Variants in CAVIN2 observed in about 807,000 individuals in gnomAD.
CAVIN2 encodes caveolae associated protein 2, also known as caveolae-associated protein 2.
CAVIN2 carries 13 observed loss-of-function variants against 11.7 expected under a neutral mutation model. The ratio of observed to expected loss-of-function variants is 1.11; its 90% CI spans 0.72 to 1.77. The LOEUF (loss-of-function observed/expected upper bound fraction) is 1.77. CAVIN2 is among the 40% of genes most tolerant of loss of function. The pLI is 0.00. For synonymous variants in CAVIN2, 237 were observed against 223.2 expected (o/e 1.06, Z -0.55); for missense variants, 549 against 542.9 (o/e 1.01, Z -0.11).
chr2:191,836,777 C>G, intron 1 of CAVIN2, 60 bp from the exon 2 acceptor site: 1 of 1,465,142 alleles, frequency 6.8e-7, no homozygotes, highest in South Asian at 1.3e-5. Context: ...TAGTCCTGAG[C>G]TGCTGTAATA....
chr2:191,835,961 C>G lies in CAVIN2; in HGVS notation c.1240G>C (p.Val414Leu). Reference sequence around the variant, plus strand: ...TGCACCTGGAGCACGGCGGGCTGCACGGGGTCCCCATCGGAGCGCTCCGCC... The same window carrying G: ...TGCACCTGGAGCACGGCGGGCTGCAGGGGGTCCCCATCGGAGCGCTCCGCC... ...EEAERSDGDP[V>L]QPAVLQVHQT... The change falls in exon 2 of 2, where the codon GTG becomes CTG. Residue 414 changes from valine (V) to leucine (L), a missense_variant. Physicochemically the swap from Val to Leu is conservative, Grantham distance 32. Transcript: ENST00000304141. 6.2e-7 allele frequency: 1 copy of G among 1,613,788 alleles called. No homozygotes were observed. Among genetic ancestry groups the G allele is most frequent in the East Asian group, 2.2e-5 (1 of 44,882 alleles).
Position 191,836,152 on chromosome 2 carries a change from T to C in CAVIN2, c.1049A>G (p.Glu350Gly), listed in dbSNP as rs1690014578. The C allele has an allele frequency of 6.2e-7, 1 of 1,614,086 alleles. No homozygotes were observed. Among genetic ancestry groups the C allele is most frequent in the Non-Finnish European group, 8.5e-7 (1 of 1,180,048 alleles). ...ASLASALVEG[E>G]IAEEAAEKAT... Reference sequence around the variant, plus strand: ...CTTCTCAGCAGCCTCCTCTGCAATTTCCCCTTCCACCAGAGCGCTGGCGAG... The same window carrying C: ...CTTCTCAGCAGCCTCCTCTGCAATTCCCCCTTCCACCAGAGCGCTGGCGAG... Residue 350 changes from glutamate to glycine, a missense_variant, in exon 2 of 2, where the codon GAA becomes GGA. Physicochemically the swap from Glu to Gly is moderately conservative, Grantham distance 98. Coordinates refer to ENST00000304141, the MANE Select transcript of CAVIN2 (RefSeq NM_004657.6).
intron 1 of CAVIN2, among the ~76,000 whole-genome samples, chr2:191,841,483 T>C (rs550657994): frequency 1.1e-4 from 16 of 152,356 alleles, no homozygotes; most frequent in Non-Finnish European, 2.2e-4. Flanking sequence ...AGGGCCTCTG[T>C]TTCTTTGACA....
At position 191,836,022 on chromosome 2, in the gene CAVIN2, T is replaced by A. The variant is rs1316842741; in HGVS notation, c.1179A>T (p.Val393=). Residue 393 remains valine (V), a synonymous_variant, in exon 2 of 2, where the codon GTA becomes GTT. Transcript: ENST00000304141. ...TTAGCGCGTAGCTACCCTCATAGCGTACCTTCTGTGCCTGTTCCAGGGCCA... is the reference window on the plus strand; with the variant it reads ...TTAGCGCGTAGCTACCCTCATAGCGAACCTTCTGTGCCTGTTCCAGGGCCA... ...ESVALEQAQK[V]RYEGSYALTS... 1 of 1,614,098 alleles carries A rather than the reference T, an allele frequency of 6.2e-7. No homozygotes were observed. Among genetic ancestry groups the A allele is most frequent in the Non-Finnish European group, 8.5e-7 (1 of 1,180,038 alleles).
chr2:191,844,237 G>A (rs1381695061), intron 1 of CAVIN2, among the ~76,000 whole-genome samples: 1 of 152,076 alleles, frequency 6.6e-6, no homozygotes, highest in Non-Finnish European at 1.5e-5. Flanking sequence ...CTACTATACT[G>A]GACCACTCTC....
In CAVIN2 at chr2:191,835,885, G is replaced by T. The variant is rs987999517; in HGVS notation, c.*38C>A. 1 of 1,570,772 alleles carries T rather than the reference G, an allele frequency of 6.4e-7. No individual in the cohort carries two copies. Among genetic ancestry groups the T allele is most frequent in the Non-Finnish European group, 8.6e-7 (1 of 1,159,718 alleles). ...GTTTGTTCTTCAGCCCTGGCTGCCC[G>T]CTTGAGCACAGCACAGGATGGCACG... On this transcript the variant is annotated 3_prime_UTR_variant, in exon 2 of 2. Transcript: ENST00000304141.
chr2:191,834,326 G>T lies in CAVIN2; in HGVS notation c.*1597C>A, dbSNP rs893541516. Reference sequence around the variant, plus strand: ...ATTGTTTCATGCTTTTTATTTTTCGGTTTATTTAATCTTCTTTAACACAGC... The same window carrying T: ...ATTGTTTCATGCTTTTTATTTTTCGTTTTATTTAATCTTCTTTAACACAGC... On this transcript the variant is annotated 3_prime_UTR_variant, in exon 2 of 2. Transcript: ENST00000304141. 1 of 152,032 alleles carries T rather than the reference G, an allele frequency of 6.6e-6. No individual in the cohort carries two copies. The highest frequency in any genetic ancestry group is 1.5e-5 in the Non-Finnish European group (1 of 67,966). 9.4% of individuals were successfully genotyped at this position (152,032 alleles called of 1,614,324 possible). A position where few individuals can be genotyped will look rare whatever the true frequency, so the allele number is the denominator to read the frequency against.
chr2:191,845,024 T>TGA (rs1690145197), intron 1 of CAVIN2, among the ~76,000 whole-genome samples: 1 of 152,190 alleles, frequency 6.6e-6, no homozygotes. Flanking sequence ...AGAAATGGCT[T>TGA]GAGAGCTGAG....
At position 191,846,613 on chromosome 2, in the gene CAVIN2, C is replaced by T. The variant is rs768966821; in HGVS notation, c.313G>A (p.Ala105Thr). Residue 105 changes from alanine (A) to threonine (T), a missense_variant, in exon 1 of 2, where the codon GCC (alanine) becomes ACC (threonine). By Grantham distance (58) the Ala-to-Thr change is moderately conservative. Coordinates refer to ENST00000304141, the MANE Select transcript of CAVIN2 (RefSeq NM_004657.6). ...TTGCTCACCGTGTTGCTGGTGGAGGCCTGGTACTTGGAGAGCTTGGTGAGG... is the reference window on the plus strand; with the variant it reads ...TTGCTCACCGTGTTGCTGGTGGAGGTCTGGTACTTGGAGAGCTTGGTGAGG... ...NDLTKLSKYQASTSNTVSKLL... is the reference protein window; with the variant it reads ...NDLTKLSKYQTSTSNTVSKLL... 6.8e-6 allele frequency: 11 copies of T among 1,614,242 alleles called. No individual in the cohort carries two copies. The South Asian group carries it at 8.8e-5, about 13-fold the overall frequency.
chr2:191,846,729 A>G lies in CAVIN2; in HGVS notation c.197T>C (p.Val66Ala), dbSNP rs777996436. 2 of 1,614,004 alleles carry G rather than the reference A, an allele frequency of 1.2e-6. No individual in the cohort carries two copies. Among genetic ancestry groups the G allele is most frequent in the Non-Finnish European group, 8.5e-7 (1 of 1,180,038 alleles). ...CTCCTGCACAGCGTCTAGCATGTTCACCAGCTTGTCCAGGAGCGTGAGCAC... is the reference window on the plus strand; with the variant it reads ...CTCCTGCACAGCGTCTAGCATGTTCGCCAGCTTGTCCAGGAGCGTGAGCAC... ...VTVLTLLDKL[V>A]NMLDAVQENQ... The change falls in exon 1 of 2, where the codon GTG (valine) becomes GCG (alanine). Residue 66 changes from valine (V) to alanine (A), a missense_variant. Transcript: ENST00000304141.
chr2:191,836,237 C>G lies in CAVIN2; in HGVS notation c.964G>C (p.Glu322Gln), dbSNP rs771200493. The change falls in exon 2 of 2, where the codon GAG becomes CAG. Residue 322 changes from glutamate to glutamine, a missense_variant. By Grantham distance (29) the Glu-to-Gln change is conservative (BLOSUM62 2). Coordinates refer to ENST00000304141, the MANE Select transcript of CAVIN2 (RefSeq NM_004657.6). ...TCTTCCTGGTCATTTGGCATCTGCT[C>G]ACTGCTAGGCAGGTCTTCTGACTTG... ...ETKSEDLPSS[E>Q]QMPNDQEEES... 1 of 1,614,100 alleles carries G rather than the reference C, an allele frequency of 6.2e-7. No individual in the cohort carries two copies. The highest frequency in any genetic ancestry group is 1.1e-5 in the South Asian group (1 of 91,080).
chr2:191,836,604 G>A lies in CAVIN2; in HGVS notation c.597C>T (p.Thr199=). The A allele has an allele frequency of 1.2e-6, 2 of 1,614,064 alleles. No homozygotes were observed. Among genetic ancestry groups the A allele is most frequent in the Non-Finnish European group, 1.7e-6 (2 of 1,180,016 alleles). The change falls in exon 2 of 2, where the codon ACC becomes ACT. Residue 199 remains threonine, a synonymous_variant. Transcript: ENST00000304141. ...ENKSLEETLH[T]VDLSSDDDLP... is the part of the protein sequence containing the mutation. ...AATCATCATCTGAGGAGAGGTCCAC[G>A]GTGTGCAGGGTTTCCTCCAGGGATT...
At chr2:191,840,298 A>G (rs958721841) in intron 1 of CAVIN2, among the ~76,000 whole-genome samples, 1 of 152,140 alleles carries the variant, frequency 6.6e-6, no homozygotes, top group Non-Finnish European at 1.5e-5. Context: ...TAGGGTTCGT[A>G]GCTCCTGAAA....
chr2:191,844,494 T>A lies in CAVIN2; in HGVS notation c.483+1949A>T, dbSNP rs1690137713. Among the ~76,000 whole-genome samples, 4 of 152,236 alleles carry A rather than the reference T, an allele frequency of 2.6e-5. No homozygotes were observed. In the South Asian group the frequency reaches 8.3e-4, roughly 32 times the overall value. ...TGCCTCCTAAAATGCTCTTTAAAGGTGTCCTTGGGGATTGTTTTCTAAAGG... is the reference window on the plus strand; with the variant it reads ...TGCCTCCTAAAATGCTCTTTAAAGGAGTCCTTGGGGATTGTTTTCTAAAGG... On this transcript the variant is annotated intron_variant, in intron 1 of 1. Coordinates refer to ENST00000304141, the MANE Select transcript of CAVIN2 (RefSeq NM_004657.6).
Position 191,835,845 on chromosome 2 carries a change from T to A in CAVIN2, c.*78A>T. 1 of 1,412,226 alleles carries A rather than the reference T, an allele frequency of 7.1e-7. No individual in the cohort carries two copies. The allele number at this position is 1,412,226 out of a possible 1,614,324, so 87.5% of individuals were successfully genotyped here. The stretch of plus-strand genomic sequence containing the variant: ...GAACGCAGGAGTGGGTGAGTCGTGC[T>A]GGAGATGTGCAAGAGTTTGTTCTTC... On this transcript the variant is annotated 3_prime_UTR_variant, in exon 2 of 2. Coordinates refer to ENST00000304141, the MANE Select transcript of CAVIN2 (RefSeq NM_004657.6).
chr2:191,835,807 A>C lies in CAVIN2; in HGVS notation c.*116T>G. 1 of 999,714 alleles carries C rather than the reference A, an allele frequency of 1.0e-6. No individual in the cohort carries two copies. The highest frequency in any genetic ancestry group is 1.4e-6 in the Non-Finnish European group (1 of 693,686). The allele number at this position is 999,714 out of a possible 1,614,324, so 61.9% of individuals were successfully genotyped here. On this transcript the variant is annotated 3_prime_UTR_variant, in exon 2 of 2. Transcript: ENST00000304141. ...TACTATGACTATATGGTCAATGATT[A>C]CTGCCTGGACAGGAACGCAGGAGTG...
rs370540628 is a variant in CAVIN2, at chr2:191,836,448, G to C, written c.753C>G (p.Ile251Met). Residue 251 changes from isoleucine to methionine, a missense_variant, in exon 2 of 2, where the codon ATC becomes ATG. Ile to Met is a conservative substitution (Grantham distance 10). Coordinates refer to ENST00000304141, the MANE Select transcript of CAVIN2 (RefSeq NM_004657.6). ...SLKKAFSRQN[I>M]EKKMNKLGTK... The stretch of plus-strand genomic sequence containing the variant: ...TCCCCAGCTTGTTCATCTTTTTCTC[G>C]ATGTTCTGGCGAGAAAATGCTTTCT... 1 of 1,613,784 alleles carries C rather than the reference G, an allele frequency of 6.2e-7. No homozygotes were observed. The highest frequency in any genetic ancestry group is 1.3e-5 in the African/African-American group (1 of 74,798).
Position 191,842,689 on chromosome 2 carries a change from T to G in CAVIN2, c.483+3754A>C, listed in dbSNP as rs540336826. 2.0e-5 allele frequency among the ~76,000 whole-genome samples: 3 copies of G among 152,338 alleles called. No individual in the cohort carries two copies. The East Asian group carries it at 5.8e-4, about 29-fold the overall frequency. ...AAAAGAGAAAACTGCTGAATTTAAC[T>G]AGGATTTTAAGATTTATTTTATTGC... On this transcript the variant is annotated intron_variant, in intron 1 of 1. Transcript: ENST00000304141.
Position 191,847,043 on chromosome 2 carries a change from C to T in CAVIN2, c.-118G>A, listed in dbSNP as rs1690180015. The T allele has an allele frequency of 7.6e-7, 1 of 1,320,904 alleles. No individual in the cohort carries two copies. The highest frequency in any genetic ancestry group is 1.0e-6 in the Non-Finnish European group (1 of 977,918). The allele number at this position is 1,320,904 out of a possible 1,614,324, so 81.8% of individuals were successfully genotyped here. On this transcript the variant is annotated 5_prime_UTR_variant, in exon 1 of 2. Coordinates refer to ENST00000304141, the MANE Select transcript of CAVIN2 (RefSeq NM_004657.6). ...GGTTGGAGCTCAGGGCACCAGTCTC[C>T]AGGACTGGCAGAGGTTCAGACAGGC...
Sources: allele counts gnomAD v4.1 joint callset (sites outside exome capture counted in the v4.1 genomes callset), GRCh38; gene constraint gnomAD v4.1.1; transcripts MANE v1.5; gene names NCBI Gene and HGNC (gene_info 2026-07-23, HGNC 2026-07-21).